Variants in OAF observed in about 807,000 individuals in gnomAD.
The protein encoded by OAF is out at first protein homolog.
In OAF, 13 loss-of-function variants were observed where a neutral mutation model predicts 22.5. The ratio of observed to expected loss-of-function variants is 0.58; its 90% CI spans 0.38 to 0.92. The LOEUF is 0.92. Ranked by LOEUF, OAF falls within the 40% of genes least tolerant of loss-of-function variation. The probability of loss-of-function intolerance (pLI) is 0.00; values close to 1 mark genes in which losing one functional copy is unlikely to be tolerated. For synonymous variants in OAF, 175 were observed against 170.5 expected, an observed-to-expected ratio of 1.03 and a Z score of -0.21; for missense variants, 347 against 381.8, an observed-to-expected ratio of 0.91 and a Z score of 0.76.
At chr11:120,226,060 C>A (rs1299966483) in intron 2 of OAF, among the ~76,000 whole-genome samples, 3 of 152,170 alleles carry the variant, frequency 2.0e-5, no homozygotes, top group African/African-American at 7.2e-5. Context: ...TGCCCCAGGC[C>A]AAACCTGACC....
In OAF at chr11:120,211,378, G is replaced by A. The variant is rs750956218; in HGVS notation, c.99G>A (p.Arg33=). Residue 33 remains arginine, a synonymous_variant, in exon 1 of 4, where the codon CGG becomes CGA. Coordinates refer to ENST00000328965, the MANE Select transcript of OAF (RefSeq NM_178507.4). ...LLGTGAPAEL[R]VRVRLPDGQV... is the part of the protein sequence containing the mutation. Reference sequence around the variant, plus strand: ...GAACGGGTGCGCCGGCCGAGCTGCGGGTCCGCGTGCGGCTGCCGGACGGCC... The same window carrying A: ...GAACGGGTGCGCCGGCCGAGCTGCGAGTCCGCGTGCGGCTGCCGGACGGCC... 2.1e-6 allele frequency: 3 copies of A among 1,461,942 alleles called. No individual in the cohort carries two copies. Among genetic ancestry groups the A allele is most frequent in the East Asian group, 5.9e-5 (2 of 34,042 alleles). 90.6% of individuals were successfully genotyped at this position (1,461,942 alleles called of 1,614,324 possible).
At chr11:120,225,139 G>A (rs1004441471) in intron 1 of OAF, among the ~76,000 whole-genome samples, 2 of 152,066 alleles carry the variant, frequency 1.3e-5, no homozygotes, top group Admixed American at 1.3e-4. Context: ...ACCCCGTCCC[G>A]GCCCCACCAC....
In OAF at chr11:120,228,950, C is replaced by T. The variant is rs1475663263; in HGVS notation, c.630C>T (p.His210=). ...CTCGCTGCAGGCAGGTGGGGGACCA[C>T]GGGAAGCCCTGCGTCTGCCGCTATG... ...ELPRCRQVGD[H]GKPCVCRYGL... Residue 210 remains histidine (H), a synonymous_variant, in exon 4 of 4, where the codon CAC becomes CAT. Coordinates refer to ENST00000328965, the MANE Select transcript of OAF (RefSeq NM_178507.4). 6.8e-6 allele frequency: 11 copies of T among 1,612,184 alleles called. No homozygotes were observed. Among genetic ancestry groups the T allele is most frequent in the East Asian group, 2.2e-5 (1 of 44,858 alleles).
rs1161289165 is a variant in OAF at position 120,211,519 on chromosome 11, C to T, written c.231+9C>T. The T allele has an allele frequency of 3.5e-6, 5 of 1,436,948 alleles. No homozygotes were observed. The highest frequency in any genetic ancestry group is 4.6e-6 in the Non-Finnish European group (5 of 1,085,952). The allele number at this position is 1,436,948 out of a possible 1,614,324, so 89.0% of individuals were successfully genotyped here. A position where few individuals can be genotyped will look rare whatever the true frequency, so the allele number is the denominator to read the frequency against. ...CCGCCGACTTCAAGAAGGTGAGGCG[C>T]CCTCACTCGCCGGGGTGGCACCTTC... On this transcript the variant is annotated intron_variant, in intron 1 of 3. Transcript: ENST00000328965.
chr11:120,226,337 GTCT>G (rs566512059), intron 2 of OAF, among the ~76,000 whole-genome samples: 8 of 152,384 alleles, frequency 5.2e-5, no homozygotes, highest in African/African-American at 1.9e-4. Flanking sequence ...TGCTCCTGCT[GTCT>G]TCTTAGACCC....
At chr11:120,228,569 C>T (rs920958009) in intron 3 of OAF, among the ~76,000 whole-genome samples, 22 of 152,220 alleles carry the variant, frequency 1.4e-4, no homozygotes, top group African/African-American at 4.3e-4. Flanking sequence ...ACAGGGATGA[C>T]GATACTTAGC....
At chr11:120,218,729 G>C (rs1455024302) in intron 1 of OAF, among the ~76,000 whole-genome samples, 1 of 152,216 alleles carries the variant, frequency 6.6e-6, no homozygotes, top group Non-Finnish European at 1.5e-5. Context: ...ACCAGCACTG[G>C]ACAGTGGTGG....
chr11:120,225,546 G>A lies in OAF; in HGVS notation c.232-115G>A, dbSNP rs1938343385. ...ATTCCTAGACCAGCAGGAGGGAGGT[G>A]TCTGTTGCCCGGCAGTGTCCAGGCA... On this transcript the variant is annotated intron_variant, in intron 1 of 3. Transcript: ENST00000328965. 9 of 834,704 alleles carry A rather than the reference G, an allele frequency of 1.1e-5. No homozygotes were observed. The East Asian group carries it at 2.4e-4, about 22-fold the overall frequency. 51.7% of individuals were successfully genotyped at this position (834,704 alleles called of 1,614,324 possible).
At position 120,211,349 on chromosome 11, in the gene OAF, C is replaced by T. The variant is rs1276618044; in HGVS notation, c.70C>T (p.Leu24=). 1 of 1,437,332 alleles carries T rather than the reference C, an allele frequency of 7.0e-7. No homozygotes were observed. The highest frequency in any genetic ancestry group is 2.6e-5 in the Admixed American group (1 of 38,202). The allele number at this position is 1,437,332 out of a possible 1,614,324, so 89.0% of individuals were successfully genotyped here. The change falls in exon 1 of 4, where the codon CTG becomes TTG. Residue 24 remains leucine, a synonymous_variant. Coordinates refer to ENST00000328965, the MANE Select transcript of OAF (RefSeq NM_178507.4). ...LLLLPLLAPL[L]GTGAPAELRV... ...GCTGCTGCCGCTGCTCGCGCCGCTG[C>T]TGGGAACGGGTGCGCCGGCCGAGCT...
chr11:120,212,228 G>T (rs1938158370), intron 1 of OAF, among the ~76,000 whole-genome samples: 3 of 122,820 alleles, frequency 2.4e-5, no homozygotes, highest in African/African-American at 9.1e-5. Context: ...TAGGGTTAGG[G>T]AGTTAGAGAC....
intron 1 of OAF, among the ~76,000 whole-genome samples, chr11:120,219,344 A>C (rs1938252574): frequency 6.6e-6 from 1 of 152,172 alleles, no homozygotes; most frequent in African/African-American, 2.4e-5. Flanking sequence ...GAGCCTGTGC[A>C]TCAGTTGAGA....
chr11:120,211,339 C>G lies in OAF; in HGVS notation c.60C>G (p.Leu20=), dbSNP rs1226408439. The G allele has an allele frequency of 7.1e-7, 1 of 1,407,588 alleles. No individual in the cohort carries two copies. Among genetic ancestry groups the G allele is most frequent in the African/African-American group, 1.5e-5 (1 of 66,178 alleles). 87.2% of individuals were successfully genotyped at this position (1,407,588 alleles called of 1,614,324 possible). The change falls in exon 1 of 4, where the codon CTC becomes CTG. Residue 20 remains leucine (L), a synonymous_variant. Coordinates refer to ENST00000328965, the MANE Select transcript of OAF (RefSeq NM_178507.4). ...RPALLLLLPL[L]APLLGTGAPA... The stretch of plus-strand genomic sequence containing the variant: ...CGCTGCTGCTGCTGCTGCCGCTGCT[C>G]GCGCCGCTGCTGGGAACGGGTGCGC...
At chr11:120,221,994 A>T (rs922578502) in intron 1 of OAF, among the ~76,000 whole-genome samples, 2 of 152,214 alleles carry the variant, frequency 1.3e-5, no homozygotes, top group Non-Finnish European at 2.9e-5. Flanking sequence ...GAAGTACGTC[A>T]TCCCAACAGA....
chr11:120,221,522 A>T (rs1205737345), intron 1 of OAF, among the ~76,000 whole-genome samples: 1 of 152,224 alleles, frequency 6.6e-6, no homozygotes, highest in Non-Finnish European at 1.5e-5. Flanking sequence ...TCCCTGCAAC[A>T]GTCCCTTGAG....
At chr11:120,222,561 G>GA (rs1284462804) in intron 1 of OAF, among the ~76,000 whole-genome samples, 465 of 121,054 alleles carry the variant, frequency 3.8e-3, no homozygotes, top group African/African-American at 6.6e-3. Context: ...GTCTCCAAAA[G>GA]AAAAAAAAAA....
At position 120,229,369 on chromosome 11, in the gene OAF, A is replaced by ATTTTTAAT; in HGVS notation, c.*227_*228insTTTTTAAT. On this transcript the variant is annotated 3_prime_UTR_variant, in exon 4 of 4. Coordinates refer to ENST00000328965, the MANE Select transcript of OAF (RefSeq NM_178507.4). ...CCCACCCTGTGCCTTCCTTGCGGGC[A>ATTTTTAAT]GAGAGGGAGAGAAGGGCTCCCCAGA... 3.2e-6 allele frequency: 1 copy of ATTTTTAAT among 308,030 alleles called. No individual in the cohort carries two copies. The highest frequency in any genetic ancestry group is 1.2e-4 in the South Asian group (1 of 8,540). 19.1% of individuals were successfully genotyped at this position (308,030 alleles called of 1,614,324 possible). A position where few individuals can be genotyped will look rare whatever the true frequency, so the allele number is the denominator to read the frequency against.
intron 1 of OAF, among the ~76,000 whole-genome samples, chr11:120,214,623 T>C (rs1294712114): frequency 6.6e-6 from 1 of 152,186 alleles, no homozygotes; most frequent in African/African-American, 2.4e-5. Flanking sequence ...CCAAGGCTTC[T>C]GTCTGATTCC....
chr11:120,223,211 A>G (rs12226432), intron 1 of OAF, among the ~76,000 whole-genome samples: 1 of 151,714 alleles, frequency 6.6e-6, no homozygotes, highest in African/African-American at 2.4e-5. Context: ...CTGAGCATCA[A>G]GGAGATGAGA....
Position 120,211,233 on chromosome 11 carries a change from G to A in OAF, c.-47G>A, listed in dbSNP as rs910308006. On this transcript the variant is annotated 5_prime_UTR_variant, in exon 1 of 4. Coordinates refer to ENST00000328965, the MANE Select transcript of OAF (RefSeq NM_178507.4). The stretch of plus-strand genomic sequence containing the variant: ...GCGAAGTTTGCCTGCGCCTCTCCCC[G>A]CCCCCACGCGGCGCGCCGGGGCCGC... 2.6e-6 allele frequency: 3 copies of A among 1,154,066 alleles called. No individual in the cohort carries two copies. The highest frequency in any genetic ancestry group is 3.2e-6 in the Non-Finnish European group (3 of 934,860). The allele number at this position is 1,154,066 out of a possible 1,614,324, so 71.5% of individuals were successfully genotyped here.
Sources: gnomAD v4.1 joint callset for allele counts (sites outside exome capture counted in the v4.1 genomes callset) on GRCh38, gnomAD v4.1.1 for gene constraint, MANE v1.5 for transcripts, NCBI Gene and HGNC (gene_info 2026-07-23, HGNC 2026-07-21) for gene names.